ALPK1: variants seen among roughly 807,000 people sequenced by gnomAD.
ALPK1 encodes the protein alpha-protein kinase 1.
ALPK1 carries 110 observed loss-of-function variants against 120.6 expected under a neutral mutation model. The observed-to-expected ratio is 0.91, with a 90% confidence interval of 0.78 to 1.07. The LOEUF (loss-of-function observed/expected upper bound fraction) is 1.07. Ranked by LOEUF, ALPK1 falls within the 50% of genes least tolerant of loss-of-function variation. The probability of loss-of-function intolerance (pLI) is 0.00; values close to 1 mark genes in which losing one functional copy is unlikely to be tolerated. For missense variants in ALPK1, 1,498 were observed against 1,483.9 expected, an observed-to-expected ratio of 1.01 and a Z score of -0.16; for synonymous variants, 582 against 560.3, an observed-to-expected ratio of 1.04 and a Z score of -0.55.
intron 2 of ALPK1, among the ~76,000 whole-genome samples, chr4:112,324,980 G>T (rs958326895): frequency 2.1e-5 from 3 of 140,436 alleles, no homozygotes; most frequent in Non-Finnish European, 4.7e-5. Flanking sequence ...AAAAAGGGGG[G>T]GGGGGGCAAA....
chr4:112,322,000 A>C (rs1444825583), intron 2 of ALPK1, among the ~76,000 whole-genome samples: 2 of 150,360 alleles, frequency 1.3e-5, no homozygotes, highest in African/African-American at 4.9e-5. Context: ...GAGGCACTAG[A>C]AAGAAGAACC....
intron 3 of ALPK1, among the ~76,000 whole-genome samples, chr4:112,378,635 C>T (rs1021435469): frequency 6.6e-6 from 1 of 152,062 alleles, no homozygotes. Flanking sequence ...TCCTCCACTT[C>T]CATAAGTACT....
intron 11 of ALPK1, among the ~76,000 whole-genome samples, chr4:112,433,348 C>T (rs1734658903): frequency 2.6e-5 from 4 of 152,156 alleles, no homozygotes; most frequent in Admixed American, 2.0e-4. Flanking sequence ...AAGGGTTTCT[C>T]TGGGATCTCT....
At position 112,438,546 on chromosome 4, in the gene ALPK1, GA is replaced by G; in HGVS notation, c.3252del (p.Gln1085ArgfsTer2). 1.2e-6 allele frequency: 2 copies of G among 1,613,800 alleles called. No homozygotes were observed. Among genetic ancestry groups the G allele is most frequent in the Non-Finnish European group, 1.7e-6 (2 of 1,179,796 alleles). ...TGGCACCACTTCACTGATGTGGAGCGACAGATGACCGCACAGCACTATGTGA... is the reference window on the plus strand; with the variant it reads ...TGGCACCACTTCACTGATGTGGAGCGCAGATGACCGCACAGCACTATGTGA... ...GLWHHFTDVE[R>X]QMTAQHYVTE... On this transcript the variant is annotated frameshift_variant, in exon 13 of 16. Coordinates refer to ENST00000650871, the MANE Select transcript of ALPK1 (RefSeq NM_025144.4). LOFTEE classifies it high-confidence loss of function.
In ALPK1 at chr4:112,431,876, A is replaced by G. The variant is rs375549477; in HGVS notation, c.2329A>G (p.Thr777Ala). 43 of 1,613,900 alleles carry G rather than the reference A, an allele frequency of 2.7e-5. No individual in the cohort carries two copies. The highest frequency in any genetic ancestry group is 3.3e-5 in the Admixed American group (2 of 60,008). ...EEISERGAGP[T>A]FKASPSWVDP... ...AATTAGTGAAAGAGGCGCAGGCCCT[A>G]CATTTAAAGCTAGTCCCTCCTGGGT... Residue 777 changes from threonine to alanine, a missense_variant, in exon 11 of 16, where the codon ACA becomes GCA. Thr to Ala is a moderately conservative substitution (Grantham distance 58, BLOSUM62 0). Coordinates refer to ENST00000650871, the MANE Select transcript of ALPK1 (RefSeq NM_025144.4).
chr4:112,364,292 T>A (rs1731043557), intron 2 of ALPK1, among the ~76,000 whole-genome samples: 1 of 151,234 alleles, frequency 6.6e-6, no homozygotes, highest in Admixed American at 6.6e-5. Context: ...TTTGAGAAAA[T>A]AAATAAAACC....
intron 4 of ALPK1, among the ~76,000 whole-genome samples, chr4:112,410,436 C>T (rs1009837070): frequency 1.4e-5 from 2 of 147,362 alleles, no homozygotes; most frequent in African/African-American, 4.9e-5. Flanking sequence ...TGAATTAGTG[C>T]ATATAAATCA....
rs770286003 is a variant in ALPK1, at chr4:112,429,157, G to T, written c.804G>T (p.Leu268=). 5 of 1,613,414 alleles carry T rather than the reference G, an allele frequency of 3.1e-6. No homozygotes were observed. Among genetic ancestry groups the T allele is most frequent in the Non-Finnish European group, 4.2e-6 (5 of 1,179,954 alleles). Residue 268 remains leucine, a synonymous_variant, in exon 10 of 16, where the codon CTG becomes CTT. Coordinates refer to ENST00000650871, the MANE Select transcript of ALPK1 (RefSeq NM_025144.4). ...CTCCTGTTTTCTCACAGAGCCTGCT[G>T]AAGGAGTTTGACCACCATTTGCTGT... The part of the protein sequence containing the change: ...KNNPQINLSL[L]KEFDHHLLSA...
rs76695868 is a variant in ALPK1 at position 112,322,055 on chromosome 4, G to A, written c.-101+6203G>A. Among the ~76,000 whole-genome samples the A allele has an allele frequency of 1.5e-3, 225 of 152,318 alleles. 2 individuals are homozygous for A. The highest frequency in any genetic ancestry group is 5.1e-3 in the African/African-American group (211 of 41,574). ...GCAGAAAACCGTCAAGATGGGGGTT[G>A]ATGTGAATGACGGCAAACATTTGTT... On this transcript the variant is annotated intron_variant, in intron 2 of 15. Coordinates refer to ENST00000650871, the MANE Select transcript of ALPK1 (RefSeq NM_025144.4).
chr4:112,358,542 T>C (rs1730757051), intron 2 of ALPK1: 1 of 698,208 alleles, frequency 1.4e-6, no homozygotes, highest in Admixed American at 2.1e-5. Context: ...AGCCTGTATA[T>C]GGAGTATGAG....
At chr4:112,356,762 T>C (rs1578494849) in intron 2 of ALPK1, 1 of 765,640 alleles carries the variant, frequency 1.3e-6, no homozygotes, top group Non-Finnish European at 2.4e-6. Context: ...TTATTACCTG[T>C]CCCGGAACCT....
intron 4 of ALPK1, chr4:112,410,830 T>C (rs914559440): frequency 4.6e-5 from 7 of 153,348 alleles, no homozygotes; most frequent in Admixed American, 2.6e-4. Flanking sequence ...TTTTCTTATT[T>C]TATTCATTAA....
intron 2 of ALPK1, chr4:112,356,107 C>A: frequency 7.3e-7 from 1 of 1,376,632 alleles, no homozygotes; most frequent in Non-Finnish European, 1.0e-6. Flanking sequence ...CTCAGCCACC[C>A]TCTGTGCCCT....
chr4:112,392,715 T>G (rs890194697), intron 4 of ALPK1, among the ~76,000 whole-genome samples: 2 of 152,086 alleles, frequency 1.3e-5, no homozygotes, highest in Non-Finnish European at 1.5e-5. Flanking sequence ...TTTGTAGAGA[T>G]GGGTTTCCCA....
chr4:112,403,038 T>C (rs976547894), intron 4 of ALPK1, among the ~76,000 whole-genome samples: 1 of 152,144 alleles, frequency 6.6e-6, no homozygotes, highest in Non-Finnish European at 1.5e-5. Flanking sequence ...TTTCTTTTTC[T>C]TTCTTTTTTA....
chr4:112,409,131 G>A (rs187459658), intron 4 of ALPK1, among the ~76,000 whole-genome samples: 16 of 150,632 alleles, frequency 1.1e-4, no homozygotes, highest in South Asian at 6.8e-4. Context: ...AGATTGATAC[G>A]TTGGTTTTTT....
chr4:112,327,100 A>G (rs995289529), intron 2 of ALPK1, among the ~76,000 whole-genome samples: 5 of 152,256 alleles, frequency 3.3e-5, no homozygotes, highest in African/African-American at 7.2e-5. Flanking sequence ...TTGAAAAGCC[A>G]TAGACAGTCA....
In ALPK1 at chr4:112,391,908, A is replaced by T. The variant is rs547825371; in HGVS notation, c.276+9356A>T. Among the ~76,000 whole-genome samples the T allele has an allele frequency of 9.2e-5, 14 of 152,264 alleles. No individual in the cohort carries two copies. The South Asian group carries it at 1.4e-3, about 16-fold the overall frequency. ...AAGAAAGCTTTCAAATGACTTCTAG[A>T]TTCTTAGTATGTAAGCCTGTGCCTC... On this transcript the variant is annotated intron_variant, in intron 4 of 15. Coordinates refer to ENST00000650871, the MANE Select transcript of ALPK1 (RefSeq NM_025144.4).
chr4:112,320,225 C>T (rs943254382), intron 2 of ALPK1, among the ~76,000 whole-genome samples: 1 of 152,102 alleles, frequency 6.6e-6, no homozygotes. Flanking sequence ...CCCTTCTATG[C>T]CAATTTTGTT....
Sources: allele counts gnomAD v4.1 joint callset (sites outside exome capture counted in the v4.1 genomes callset), GRCh38; gene constraint gnomAD v4.1.1; transcripts MANE v1.5; gene names NCBI Gene and HGNC (gene_info 2026-07-23, HGNC 2026-07-21).